The following MARVELD3 variants were observed in gnomAD, a reference collection of about 807,000 sequenced individuals.
MARVELD3 encodes the protein MARVEL domain-containing protein 3.
In MARVELD3, 28 loss-of-function variants were observed where a neutral mutation model predicts 33.5. The ratio of observed to expected loss-of-function variants is 0.84; its 90% CI spans 0.62 to 1.15. The LOEUF (loss-of-function observed/expected upper bound fraction) is 1.15, where lower values mean the gene tolerates loss of function less well. MARVELD3 is among the 50% of genes most tolerant of loss of function. The probability of loss-of-function intolerance (pLI) is 0.00; values close to 1 mark genes in which losing one functional copy is unlikely to be tolerated. For synonymous variants in MARVELD3, 241 were observed against 230.4 expected, an observed-to-expected ratio of 1.05 and a Z score of -0.42; for missense variants, 582 against 547.6, an observed-to-expected ratio of 1.06 and a Z score of -0.63.
intron 2 of MARVELD3, among the ~76,000 whole-genome samples, chr16:71,630,775 C>T (rs1015288001): frequency 5.3e-5 from 8 of 152,024 alleles, no homozygotes; most frequent in African/African-American, 1.9e-4. Context: ...CATACTGACC[C>T]TATTATATAC....
chr16:71,641,588 A>C (rs2044619782), exon 3 of MARVELD3: 2 of 152,978 alleles, frequency 1.3e-5, no homozygotes, highest in Admixed American at 6.5e-5. Context: ...CGTCTCAAAA[A>C]AATACAAAAA....
chr16:71,626,337 C>G lies in MARVELD3; in HGVS notation c.108C>G (p.Asp36Glu), dbSNP rs2044467281. ...DQGRTHDRPR[D>E]RPGDPRRKRS... The stretch of plus-strand genomic sequence containing the variant: ...GCCGCACCCACGATCGACCGCGGGA[C>G]CGACCCGGGGACCCGCGCAGGAAGC... Residue 36 changes from aspartate to glutamate, a missense_variant, in exon 1 of 3, where the codon GAC (aspartate) becomes GAG (glutamate). Physicochemically the swap from Asp to Glu is conservative, Grantham distance 45. Coordinates refer to ENST00000268485, the MANE Select transcript of MARVELD3 (RefSeq NM_052858.6). The surrounding 1 kb of genome is among the most constrained non-coding windows in gnomAD (Gnocchi z 5.3). 2 of 1,548,156 alleles carry G rather than the reference C, an allele frequency of 1.3e-6. No homozygotes were observed. The highest frequency in any genetic ancestry group is 1.4e-5 in the African/African-American group (1 of 72,970).
chr16:71,635,181 T>C lies in MARVELD3; in HGVS notation c.*378T>C. The C allele has an allele frequency of 1.3e-6, 1 of 746,704 alleles. No individual in the cohort carries two copies. The highest frequency in any genetic ancestry group is 5.9e-5 in the South Asian group (1 of 17,002). 46.3% of individuals were successfully genotyped at this position (746,704 alleles called of 1,614,324 possible). Reference sequence around the variant, plus strand: ...CGTCTCTACTAAAATACAAAAAAATTAGCCAGGCGTGGTGGCGGGCGCCTG... The same window carrying C: ...CGTCTCTACTAAAATACAAAAAAATCAGCCAGGCGTGGTGGCGGGCGCCTG... On this transcript the variant is annotated 3_prime_UTR_variant, in exon 3 of 3. Transcript: ENST00000268485.
chr16:71,629,873 G>T (rs1337171105), intron 2 of MARVELD3, among the ~76,000 whole-genome samples: 2 of 152,086 alleles, frequency 1.3e-5, no homozygotes, highest in Non-Finnish European at 2.9e-5. Flanking sequence ...AAGTCACCTG[G>T]CGTGGGCAGC....
At chr16:71,640,993 A>G, downstream of MARVELD3, 3 of 1,611,286 alleles carry the variant, frequency 1.9e-6, no homozygotes, top group Non-Finnish European at 2.5e-6. Flanking sequence ...AGTTACAGTG[A>G]TGCACCGGAA....
At position 71,634,258 on chromosome 16, in the gene MARVELD3, A is replaced by G. The variant is rs1254299980; in HGVS notation, c.661A>G (p.Ser221Gly). 3.1e-6 allele frequency: 5 copies of G among 1,614,010 alleles called. No homozygotes were observed. Among genetic ancestry groups the G allele is most frequent in the East Asian group, 2.2e-5 (1 of 44,894 alleles). The part of the protein sequence containing the change: ...LILACSSVSY[S>G]STGGYTGITS... ...CCTGGCCTGCAGCTCTGTGTCTTAC[A>G]GTTCCACAGGGGGCTACACGGGCAT... is the stretch of plus-strand genomic sequence containing the variant. The change falls in exon 3 of 3, where the codon AGT (serine) becomes GGT (glycine). Residue 221 changes from serine to glycine, a missense_variant. Coordinates refer to ENST00000268485, the MANE Select transcript of MARVELD3 (RefSeq NM_052858.6).
chr16:71,631,335 A>G lies in MARVELD3; in HGVS notation c.595+1841A>G, dbSNP rs2044530309. On this transcript the variant is annotated intron_variant, in intron 2 of 2. Transcript: ENST00000268485. ...GAAGATACAAATAAAGTTCAGGAAA[A>G]AATATAATATTCACAGTGATTTTTT... is the stretch of plus-strand genomic sequence containing the variant. 1.3e-5 allele frequency among the ~76,000 whole-genome samples: 2 copies of G among 152,224 alleles called. 1 individual carries two copies. Among genetic ancestry groups the G allele is most frequent in the South Asian group, 4.1e-4 (2 of 4,832 alleles).
chr16:71,629,778 G>A (rs71403861), intron 2 of MARVELD3: 1 of 430,350 alleles, frequency 2.3e-6, no homozygotes, highest in Non-Finnish European at 4.0e-6. Flanking sequence ...TGGAAGTGCA[G>A]AGGCCTGTAG....
chr16:71,634,238 C>T lies in MARVELD3; in HGVS notation c.641C>T (p.Ala214Val), dbSNP rs553933272. 18 of 1,612,074 alleles carry T rather than the reference C, an allele frequency of 1.1e-5. No homozygotes were observed. In the African/African-American group the frequency reaches 1.6e-4, roughly 14 times the overall value. Residue 214 changes from alanine (A) to valine (V), a missense_variant, in exon 3 of 3, where the codon GCC (alanine) becomes GTC (valine). Physicochemically the swap from Ala to Val is moderately conservative, Grantham distance 64. Transcript: ENST00000268485. Reference protein sequence around the residue: ...LEVLLNLLILACSSVSYSSTG... With the variant: ...LEVLLNLLILVCSSVSYSSTG... ...GTTCTCCTGAACTTGCTGATCCTGG[C>T]CTGCAGCTCTGTGTCTTACAGTTCC...
At chr16:71,640,737 T>C (rs758329235), downstream of MARVELD3, 36 of 1,614,124 alleles carry the variant, frequency 2.2e-5, no homozygotes, top group African/African-American at 5.3e-5. Flanking sequence ...AGTGGGCTAC[T>C]GCACAGGCAT....
Position 71,635,477 on chromosome 16 carries a change from C to G in MARVELD3, c.*674C>G. 1 of 985,090 alleles carries G rather than the reference C, an allele frequency of 1.0e-6. No individual in the cohort carries two copies. 61.0% of individuals were successfully genotyped at this position (985,090 alleles called of 1,614,324 possible). A position where few individuals can be genotyped will look rare whatever the true frequency, so the allele number is the denominator to read the frequency against. ...TTCAAAGTTCCTGGGCACAGTGGCT[C>G]ACACCTGTAATCCCAGAGCTTTGGG... On this transcript the variant is annotated 3_prime_UTR_variant, in exon 3 of 3. Transcript: ENST00000268485.
intron 1 of MARVELD3, among the ~76,000 whole-genome samples, chr16:71,627,452 C>A (rs1020287043): frequency 6.6e-5 from 10 of 150,388 alleles, no homozygotes; most frequent in African/African-American, 2.5e-4. Context: ...TGCAGTGAGC[C>A]GAGATCGCAC....
At chr16:71,628,202 CTG>C (rs1450816326) in intron 1 of MARVELD3, among the ~76,000 whole-genome samples, 1 of 152,168 alleles carries the variant, frequency 6.6e-6, no homozygotes, top group Non-Finnish European at 1.5e-5. Context: ...ACTGCAGGAC[CTG>C]GGAGAATTCA....
At chr16:71,640,264 CAAAAAAA>C (rs370433791), downstream of MARVELD3, 20 of 890,074 alleles carry the variant, frequency 2.2e-5, no homozygotes, top group Non-Finnish European at 3.1e-5. Flanking sequence ...GACACCGTCT[CAAAAAAA>C]AAAAAAAAAG....
At chr16:71,640,865 C>T (rs766637805), downstream of MARVELD3, 30 of 1,614,020 alleles carry the variant, frequency 1.9e-5, no homozygotes, top group Middle Eastern at 3.3e-4. Flanking sequence ...CAGGCACCGA[C>T]GGAGCAGCAG....
At chr16:71,629,166 G>C (rs1316676875) in intron 1 of MARVELD3, 2 of 526,636 alleles carry the variant, frequency 3.8e-6, no homozygotes, top group Non-Finnish European at 6.3e-6. Context: ...CATCTGTCAC[G>C]TGGTTAGTGG....
rs766906648 is a variant in MARVELD3 at position 71,634,477 on chromosome 16, C to T, written c.880C>T (p.Arg294Trp). ...CCLFVAMGVL[R>W]VPWHCPLLLV... The stretch of plus-strand genomic sequence containing the variant: ...CCTCTTCGTTGCCATGGGTGTCCTG[C>T]GGGTCCCGTGGCATTGTCCACTGTT... The change falls in exon 3 of 3, where the codon CGG becomes TGG. Residue 294 changes from arginine (R) to tryptophan (W), a missense_variant. Arg to Trp is a moderately radical substitution (Grantham distance 101). Transcript: ENST00000268485. 1.2e-6 allele frequency: 2 copies of T among 1,614,182 alleles called. No individual in the cohort carries two copies. Among genetic ancestry groups the T allele is most frequent in the East Asian group, 2.2e-5 (1 of 44,880 alleles).
intron 1 of MARVELD3, among the ~76,000 whole-genome samples, chr16:71,627,638 C>A (rs1256557331): frequency 1.3e-5 from 2 of 152,122 alleles, no homozygotes; most frequent in Non-Finnish European, 2.9e-5. Context: ...CAGCGTCATT[C>A]GAATCCCACG....
downstream of MARVELD3, chr16:71,640,801 CAAG>C (rs2044612786): frequency 1.2e-6 from 2 of 1,614,142 alleles, no homozygotes; most frequent in South Asian, 2.2e-5. Flanking sequence ...ACTTGCAAAA[CAAG>C]AGAGAGGCTC....
Sources: gnomAD v4.1 joint callset for allele counts (sites outside exome capture counted in the v4.1 genomes callset) on GRCh38, gnomAD v4.1.1 for gene constraint, Gnocchi (gnomAD v3.1) non-coding constraint, MANE v1.5 for transcripts, NCBI Gene and HGNC (gene_info 2026-07-23, HGNC 2026-07-21) for gene names.